SEC62: variants seen among roughly 807,000 people sequenced by gnomAD.
SEC62 encodes translocation protein SEC62.
In SEC62, 10 loss-of-function variants were observed where a neutral mutation model predicts 47.5. The observed-to-expected ratio is 0.21, with a 90% CI of 0.13 to 0.36. The LOEUF is 0.36. Ranked by LOEUF, SEC62 falls within the 10% of genes least tolerant of loss-of-function variation. The pLI is 1.00. For missense variants in SEC62, 327 were observed against 464.1 expected (o/e 0.70, Z 2.71); for synonymous variants, 136 against 150.5 (o/e 0.90, Z 0.71).
chr3:169,967,714 T>TAGTCGTCTC (rs1200584415), intron 1 of SEC62, among the ~76,000 whole-genome samples: 1 of 152,212 alleles, frequency 6.6e-6, no homozygotes, highest in East Asian at 1.9e-4. Context: ...GGATATTTAT[T>TAGTCGTCTC]AGTCGTCTCA....
intron 1 of SEC62, among the ~76,000 whole-genome samples, chr3:169,972,600 T>TTA (rs397940828): frequency 4.0e-5 from 6 of 149,002 alleles, no homozygotes; most frequent in East Asian, 1.9e-4. Context: ...TTTTTTTTTT[T>TTA]ATGTAGAGAA....
At chr3:169,973,827 G>C (rs1714765080) in intron 1 of SEC62, among the ~76,000 whole-genome samples, 1 of 152,130 alleles carries the variant, frequency 6.6e-6, no homozygotes, top group Non-Finnish European at 1.5e-5. Context: ...GCAGACTGTA[G>C]GAATTGTACA....
chr3:169,989,206 G>T (rs1249622417), intron 7 of SEC62, among the ~76,000 whole-genome samples: 1 of 148,846 alleles, frequency 6.7e-6, no homozygotes, highest in Non-Finnish European at 1.5e-5. Context: ...CAATCCTCCT[G>T]CCTCAGCCTC....
At chr3:169,969,284 C>T (rs750051977) in intron 1 of SEC62, 18 of 455,046 alleles carry the variant, frequency 4.0e-5, no homozygotes, top group South Asian at 2.8e-4. Flanking sequence ...CTTTGTAATT[C>T]AGTATAATTT....
At position 169,982,977 on chromosome 3, in the gene SEC62, A is replaced by G. The variant is rs1439572640; in HGVS notation, c.456+66A>G. 9.1e-6 allele frequency: 14 copies of G among 1,533,194 alleles called. No individual in the cohort carries two copies. In the East Asian group the frequency reaches 2.9e-4, roughly 32 times the overall value. The allele number at this position is 1,533,194 out of a possible 1,614,324, so 95.0% of individuals were successfully genotyped here. On this transcript the variant is annotated intron_variant, in intron 4 of 7. Transcript: ENST00000337002. ...ATGTGCACATGAACACTACTGGCCT[A>G]TGAGCACATTTAAGTATTATGCAAC...
At chr3:169,966,892 G>A in intron 1 of SEC62, 34 bp downstream of exon 1, 1 of 1,551,152 alleles carries the variant, frequency 6.4e-7, no homozygotes, top group East Asian at 2.5e-5. Flanking sequence ...GGGGGCTTCG[G>A]CGCGCTGGAT....
At chr3:169,990,635 A>G (rs971993342) in intron 7 of SEC62, among the ~76,000 whole-genome samples, 4 of 152,236 alleles carry the variant, frequency 2.6e-5, no homozygotes, top group South Asian at 2.1e-4. Context: ...AAAACCTATC[A>G]TTGCATCATA....
chr3:169,977,696 C>A (rs955805413), intron 3 of SEC62, among the ~76,000 whole-genome samples: 2 of 151,968 alleles, frequency 1.3e-5, no homozygotes, highest in Admixed American at 6.6e-5. Context: ...GTTTTTCTTT[C>A]CATTTCTTTT....
Position 169,982,804 on chromosome 3 carries a change from A to G in SEC62, c.349A>G (p.Ser117Gly). ...AGAAAAAGATAAAGGAAAAGCTGAA[A>G]GTGGAAAAGAAGAAGATAAAAAGAG... Reference protein sequence around the residue: ...KKEKDKGKAESGKEEDKKSKK... With the variant: ...KKEKDKGKAEGGKEEDKKSKK... The change falls in exon 4 of 8, where the codon AGT becomes GGT. Residue 117 changes from serine to glycine, a missense_variant. Coordinates refer to ENST00000337002, the MANE Select transcript of SEC62 (RefSeq NM_003262.4). 6.2e-7 allele frequency: 1 copy of G among 1,600,338 alleles called. No individual in the cohort carries two copies. Among genetic ancestry groups the G allele is most frequent in the Non-Finnish European group, 8.5e-7 (1 of 1,172,838 alleles).
At chr3:169,972,005 A>G (rs79709647) in intron 1 of SEC62, among the ~76,000 whole-genome samples, 7,064 of 152,306 alleles carry the variant, frequency 0.046, 229 homozygotes, top group Non-Finnish European at 0.075. Context: ...TACATTTGAA[A>G]TGTTTCAGAT....
rs369987011 is a variant in SEC62, at chr3:169,992,552, A to G, written c.731-42A>G. ...ATTAACAAATACTCCCTTCTGAGGC[A>G]GTGTTTGAATTACTCAATTAGAGAA... On this transcript the variant is annotated intron_variant, in intron 7 of 7. Coordinates refer to ENST00000337002, the MANE Select transcript of SEC62 (RefSeq NM_003262.4). The surrounding 1 kb of genome is among the most constrained non-coding windows in gnomAD (Gnocchi z 4.0). 1 of 1,337,402 alleles carries G rather than the reference A, an allele frequency of 7.5e-7. No individual in the cohort carries two copies. The highest frequency in any genetic ancestry group is 1.1e-6 in the Non-Finnish European group (1 of 948,646). 82.8% of individuals were successfully genotyped at this position (1,337,402 alleles called of 1,614,324 possible).
intron 3 of SEC62, among the ~76,000 whole-genome samples, chr3:169,977,458 C>T (rs1292656767): frequency 6.6e-6 from 1 of 152,066 alleles, no homozygotes; most frequent in Non-Finnish European, 1.5e-5. Context: ...AGCCTCATAC[C>T]CTTTCCTATT....
chr3:169,983,893 C>T (rs1715037147), intron 5 of SEC62: 1 of 152,200 alleles, frequency 6.6e-6, no homozygotes, highest in South Asian at 2.1e-4. Context: ...CTACAAGTCT[C>T]TATCTCTTAC....
Position 169,988,257 on chromosome 3 carries a change from G to A in SEC62, c.628G>A (p.Ala210Thr), listed in dbSNP as rs2108287408. 1.2e-6 allele frequency: 2 copies of A among 1,613,666 alleles called. No individual in the cohort carries two copies. The highest frequency in any genetic ancestry group is 2.7e-5 in the African/African-American group (2 of 74,984). Reference protein sequence around the residue: ...GLILVIAVIAATLFPLWPAEM... With the variant: ...GLILVIAVIATTLFPLWPAEM... ...TGTTCCAGTGATTGCAGTAATAGCG[G>A]CCACCCTCTTCCCCCTTTGGCCAGC... Residue 210 changes from alanine (A) to threonine (T), a missense_variant, in exon 7 of 8, where the codon GCC becomes ACC. Ala to Thr is a moderately conservative substitution (Grantham distance 58). Transcript: ENST00000337002.
At chr3:169,991,339 A>G (rs1266694188) in intron 7 of SEC62, among the ~76,000 whole-genome samples, 1 of 152,124 alleles carries the variant, frequency 6.6e-6, no homozygotes, top group Non-Finnish European at 1.5e-5. Flanking sequence ...AGAGGATCAC[A>G]TAAAGCCAGG....
At position 169,986,859 on chromosome 3, in the gene SEC62, G is replaced by A. The variant is rs149317267; in HGVS notation, c.610+994G>A. On this transcript the variant is annotated intron_variant, in intron 6 of 7. Coordinates refer to ENST00000337002, the MANE Select transcript of SEC62 (RefSeq NM_003262.4). Reference sequence around the variant, plus strand: ...TCCCACATCAGCCTACTGAGTAGCTGGAACTATAGGCACACTCCACTACAC... The same window carrying A: ...TCCCACATCAGCCTACTGAGTAGCTAGAACTATAGGCACACTCCACTACAC... Among the ~76,000 whole-genome samples, 210 of 152,082 alleles carry A rather than the reference G, an allele frequency of 1.4e-3. 6 individuals carry two copies. The East Asian group carries it at 0.039, about 28-fold the overall frequency.
intron 1 of SEC62, among the ~76,000 whole-genome samples, chr3:169,967,348 G>A (rs1714557286): frequency 6.6e-6 from 1 of 152,220 alleles, no homozygotes; most frequent in Non-Finnish European, 1.5e-5. Flanking sequence ...TAGACCGTAA[G>A]GGGGAATGAT....
intron 6 of SEC62, among the ~76,000 whole-genome samples, chr3:169,987,352 G>A (rs976686015): frequency 3.3e-5 from 5 of 152,176 alleles, no homozygotes; most frequent in Admixed American, 6.5e-5. Context: ...TCAGGAGGTC[G>A]AGGCTGTCGT....
At chr3:169,972,482 T>C (rs2108280110) in intron 1 of SEC62, among the ~76,000 whole-genome samples, 1 of 152,268 alleles carries the variant, frequency 6.6e-6, no homozygotes, top group Non-Finnish European at 1.5e-5. Context: ...TGGCATGATC[T>C]TGGTTCACTG....
Sources: allele counts gnomAD v4.1 joint callset (sites outside exome capture counted in the v4.1 genomes callset), GRCh38; gene constraint gnomAD v4.1.1; non-coding constraint Gnocchi (gnomAD v3.1); transcripts MANE v1.5; gene names NCBI Gene and HGNC (gene_info 2026-07-23, HGNC 2026-07-21).